The following ANKS1B variants were observed in gnomAD, a reference collection of about 807,000 sequenced individuals.
ANKS1B encodes the protein ankyrin repeat and sterile alpha motif domain containing 1B.
Under a neutral mutation model 148.3 loss-of-function variants are expected in ANKS1B, and 36 were observed. The observed-to-expected ratio is 0.24, with a 90% CI of 0.19 to 0.32. The LOEUF (loss-of-function observed/expected upper bound fraction) is 0.32. Among genes scored for constraint, ANKS1B ranks in the 10% least tolerant of loss-of-function variants. The pLI is 1.00. For synonymous variants in ANKS1B, 542 were observed against 560.8 expected, an observed-to-expected ratio of 0.97 and a Z score of 0.47; for missense variants, 1,157 against 1,542.6, an observed-to-expected ratio of 0.75 and a Z score of 4.19.
At chr12:99,423,937 G>A (rs909821414) in intron 11 of ANKS1B, among the ~76,000 whole-genome samples, 34 of 151,972 alleles carry the variant, frequency 2.2e-4, no homozygotes, top group African/African-American at 3.6e-4. Context: ...CCCCCACCCC[G>A]ACACAAGTTT....
intron 22 of ANKS1B, among the ~76,000 whole-genome samples, chr12:98,783,195 A>C (rs189591778): frequency 1.3e-5 from 2 of 152,370 alleles, no homozygotes; most frequent in Admixed American, 6.5e-5. Flanking sequence ...TTTGTTCAGC[A>C]ATCGAGTTGT....
chr12:99,360,089 A>G (rs372866715), intron 12 of ANKS1B, among the ~76,000 whole-genome samples: 1 of 152,126 alleles, frequency 6.6e-6, no homozygotes, highest in Non-Finnish European at 1.5e-5. Context: ...TTTGAATTGG[A>G]ATTTTTGCTC....
At chr12:99,503,737 A>G (rs888912913) in intron 10 of ANKS1B, among the ~76,000 whole-genome samples, 2 of 151,974 alleles carry the variant, frequency 1.3e-5, no homozygotes, top group South Asian at 4.1e-4. Flanking sequence ...AAAATTTACT[A>G]TTCAAAAGTA....
intron 14 of ANKS1B, among the ~76,000 whole-genome samples, chr12:99,217,689 G>T (rs1263571874): frequency 1.3e-5 from 2 of 151,714 alleles, no homozygotes; most frequent in African/African-American, 2.4e-5. Context: ...CTGATCCCTT[G>T]TCTCCATCTC....
chr12:98,777,124 T>C (rs1566363045), intron 24 of ANKS1B, among the ~76,000 whole-genome samples: 3 of 152,058 alleles, frequency 2.0e-5, no homozygotes, highest in Non-Finnish European at 2.9e-5. Flanking sequence ...GCCCAGGAGT[T>C]TGAGGTTACA....
chr12:99,615,344 T>C (rs2097946255), intron 9 of ANKS1B, among the ~76,000 whole-genome samples: 1 of 152,176 alleles, frequency 6.6e-6, no homozygotes, highest in Non-Finnish European at 1.5e-5. Flanking sequence ...ACATGGCACA[T>C]TCAATAGTTA....
intron 17 of ANKS1B, among the ~76,000 whole-genome samples, chr12:98,969,337 C>T (rs560780399): frequency 2.2e-4 from 34 of 152,250 alleles, no homozygotes; most frequent in African/African-American, 7.9e-4. Flanking sequence ...CGCACAGGCT[C>T]ATGGTGTCAC....
intron 1 of ANKS1B, among the ~76,000 whole-genome samples, chr12:99,845,406 A>G (rs542287586): frequency 6.6e-6 from 1 of 152,142 alleles, no homozygotes; most frequent in South Asian, 2.1e-4. Context: ...TTCTTTCAAT[A>G]CCTAGTTTAC....
chr12:99,947,067 T>C (rs1376500012), intron 1 of ANKS1B, among the ~76,000 whole-genome samples: 6 of 152,138 alleles, frequency 3.9e-5, no homozygotes, highest in African/African-American at 1.4e-4. Context: ...AAGAGTCTTA[T>C]GCTAACAAAG....
At chr12:99,740,486 G>C (rs1448181566) in intron 8 of ANKS1B, among the ~76,000 whole-genome samples, 1 of 152,116 alleles carries the variant, frequency 6.6e-6, no homozygotes, top group Non-Finnish European at 1.5e-5. Flanking sequence ...GTGTATGTCA[G>C]ACAAGAAAAA....
At chr12:98,757,957 T>C (rs868569284) in intron 25 of ANKS1B, among the ~76,000 whole-genome samples, 2 of 98,702 alleles carry the variant, frequency 2.0e-5, no homozygotes, top group Non-Finnish European at 4.7e-5. Flanking sequence ...TGTGTGTGTG[T>C]GCACACGGGG....
chr12:99,850,225 C>T (rs1197526709), intron 1 of ANKS1B, among the ~76,000 whole-genome samples: 1 of 148,990 alleles, frequency 6.7e-6, no homozygotes, highest in African/African-American at 2.5e-5. Context: ...TGATTCAAAA[C>T]ATGTTATCCC....
At chr12:99,587,899 T>G (rs988428374) in intron 9 of ANKS1B, among the ~76,000 whole-genome samples, 1 of 151,998 alleles carries the variant, frequency 6.6e-6, no homozygotes, top group Non-Finnish European at 1.5e-5. Context: ...AGGAGGAGTA[T>G]CCAATAGAGC....
chr12:99,907,311 C>T (rs2093820244), intron 1 of ANKS1B, among the ~76,000 whole-genome samples: 1 of 152,328 alleles, frequency 6.6e-6, no homozygotes, highest in South Asian at 2.1e-4. Flanking sequence ...CGCCCCTCTT[C>T]CACAGCCCCA....
chr12:99,185,485 C>T (rs1403811118), intron 14 of ANKS1B, among the ~76,000 whole-genome samples: 1 of 152,214 alleles, frequency 6.6e-6, no homozygotes, highest in Non-Finnish European at 1.5e-5. Context: ...CTCTGGTCTG[C>T]AGCTCCCAGT....
At chr12:99,098,620 T>C (rs1051692872) in intron 15 of ANKS1B, among the ~76,000 whole-genome samples, 33 of 18,100 alleles carry the variant, frequency 1.8e-3, no homozygotes, top group Middle Eastern at 0.026. Context: ...TAGGAACTAC[T>C]TTTTTTTTTT....
At chr12:98,782,063 G>T in intron 23 of ANKS1B, 63 bp downstream of exon 23, 1 of 1,395,648 alleles carries the variant, frequency 7.2e-7, no homozygotes, top group Non-Finnish European at 1.0e-6. Flanking sequence ...CCAGCAGTCA[G>T]TTTACTTCAT....
Position 99,274,274 on chromosome 12 carries a change from CT to C in ANKS1B, c.1757-27411del, listed in dbSNP as rs893655862. Among the ~76,000 whole-genome samples the C allele has an allele frequency of 1.4e-3, 213 of 151,460 alleles. 1 individual carries two copies. Among genetic ancestry groups the C allele is most frequent in the Admixed American group, 3.6e-3 (54 of 15,178 alleles). ...CTGGAGAGACTAAGAACAAAAACCA[CT>C]TTTTTTTTGTACAAATAATCTTGCC... On this transcript the variant is annotated intron_variant, in intron 12 of 26. Transcript: ENST00000683438.
At chr12:99,696,983 G>A (rs375637599) in intron 8 of ANKS1B, among the ~76,000 whole-genome samples, 2 of 152,224 alleles carry the variant, frequency 1.3e-5, no homozygotes, top group African/African-American at 2.4e-5. Flanking sequence ...GAAAAGATGC[G>A]AATACCATAT....
Sources: allele counts gnomAD v4.1 joint callset (sites outside exome capture counted in the v4.1 genomes callset), GRCh38; gene constraint gnomAD v4.1.1; transcripts MANE v1.5; gene names NCBI Gene and HGNC (gene_info 2026-07-23, HGNC 2026-07-21).